Variants in PLEKHA6 observed in about 807,000 individuals in gnomAD.
PLEKHA6 encodes the protein pleckstrin homology domain-containing family A member 6.
In PLEKHA6, 60 loss-of-function variants were observed where a neutral mutation model predicts 116.7. That is an observed-to-expected ratio of 0.51 (90% CI 0.42 to 0.64). The LOEUF is 0.64. Ranked by LOEUF, PLEKHA6 falls within the 30% of genes least tolerant of loss-of-function variation. The pLI is 0.00. For missense variants in PLEKHA6, 1,338 were observed against 1,422.7 expected (o/e 0.94, Z 0.96); for synonymous variants, 489 against 556.1 (o/e 0.88, Z 1.70).
chr1:204,347,454 C>T (rs1411886411), intron 1 of PLEKHA6, among the ~76,000 whole-genome samples: 3 of 151,334 alleles, frequency 2.0e-5, no homozygotes, highest in African/African-American at 7.3e-5. Flanking sequence ...AACACACATG[C>T]TCTACAATTT....
At chr1:204,313,756 G>A (rs16853274) in intron 1 of PLEKHA6, 28,358 of 955,086 alleles carry the variant, frequency 0.03, 632 homozygotes, top group African/African-American at 0.1. Context: ...GTCATTAGCA[G>A]AGAGCACCAT....
At position 204,265,146 on chromosome 1, in the gene PLEKHA6, A is replaced by G. The variant is rs1666642409; in HGVS notation, c.281-104T>C. ...TGTTGTCCCTCCCTGATAAATATCA[A>G]TACATATTTGTTGTTCACCTCCTGT... On this transcript the variant is annotated intron_variant, in intron 5 of 22. Coordinates refer to ENST00000272203, the MANE Select transcript of PLEKHA6 (RefSeq NM_014935.5). 9 of 796,494 alleles carry G rather than the reference A, an allele frequency of 1.1e-5. No homozygotes were observed. The South Asian group carries it at 1.3e-4, about 12-fold the overall frequency. 49.3% of individuals were successfully genotyped at this position (796,494 alleles called of 1,614,324 possible).
intron 9 of PLEKHA6, among the ~76,000 whole-genome samples, chr1:204,255,834 G>C (rs892095513): frequency 6.6e-6 from 1 of 152,182 alleles, no homozygotes; most frequent in African/African-American, 2.4e-5. Context: ...CTCAGGAAGG[G>C]AGGGGTTGAG....
At chr1:204,252,193 G>A (rs1664663944) in intron 9 of PLEKHA6, among the ~76,000 whole-genome samples, 2 of 148,276 alleles carry the variant, frequency 1.3e-5, no homozygotes, top group Admixed American at 6.8e-5. Flanking sequence ...TGACGCTAGG[G>A]AGCAAACAAG....
chr1:204,253,807 C>A (rs1571898094), intron 9 of PLEKHA6, among the ~76,000 whole-genome samples: 1 of 144,726 alleles, frequency 6.9e-6, no homozygotes, highest in East Asian at 2.1e-4. Flanking sequence ...ATACTCTAGC[C>A]TAGGCAACAG....
chr1:204,313,678 C>CT (rs1438040074), intron 1 of PLEKHA6: 36 of 985,136 alleles, frequency 3.7e-5, no homozygotes, highest in Admixed American at 6.1e-5. Flanking sequence ...AGGTGGCTGT[C>CT]TTTGAGATTT....
At chr1:204,310,247 CT>C (rs1353111589) in intron 1 of PLEKHA6, among the ~76,000 whole-genome samples, 1 of 152,148 alleles carries the variant, frequency 6.6e-6, no homozygotes, top group Non-Finnish European at 1.5e-5. Flanking sequence ...TCACTGAATA[CT>C]TTTCTATATT....
chr1:204,332,476 G>A (rs1033082888), intron 1 of PLEKHA6, among the ~76,000 whole-genome samples: 10 of 152,086 alleles, frequency 6.6e-5, no homozygotes, highest in Non-Finnish European at 8.8e-5. Flanking sequence ...CCCAGGTCCC[G>A]GTTCAAGCAA....
intron 1 of PLEKHA6, among the ~76,000 whole-genome samples, chr1:204,373,934 A>G (rs1363687259): frequency 6.6e-6 from 1 of 152,116 alleles, no homozygotes; most frequent in Non-Finnish European, 1.5e-5. Flanking sequence ...GAGGAAGCCA[A>G]TAAAAAGGAA....
rs201152139 is a variant in PLEKHA6, at chr1:204,228,707, A to G, written c.2885+21T>C. On this transcript the variant is annotated intron_variant, in intron 20 of 22. Coordinates refer to ENST00000272203, the MANE Select transcript of PLEKHA6 (RefSeq NM_014935.5). The surrounding 1 kb of genome is among the most constrained non-coding windows in gnomAD (Gnocchi z 4.0). The stretch of plus-strand genomic sequence containing the variant: ...GTGCCAGGGTGAGCAGAGGAAGTAG[A>G]GGCTCACCCAGGCTGGTTACCTGGA... The G allele has an allele frequency of 7.3e-4, 1,180 of 1,611,396 alleles. 1 individual carries two copies. The highest frequency in any genetic ancestry group is 9.1e-4 in the Non-Finnish European group (1,075 of 1,177,638).
At chr1:204,331,853 G>A (rs1378962519) in intron 1 of PLEKHA6, among the ~76,000 whole-genome samples, 1 of 150,580 alleles carries the variant, frequency 6.6e-6, no homozygotes, top group Admixed American at 6.6e-5. Context: ...TGCCCCTAGA[G>A]TCACCCAGCC....
At chr1:204,338,993 A>T (rs1258081918) in intron 1 of PLEKHA6, among the ~76,000 whole-genome samples, 6 of 152,234 alleles carry the variant, frequency 3.9e-5, no homozygotes, top group African/African-American at 1.2e-4. Flanking sequence ...GACCAGCAGC[A>T]TGTAACGGAC....
chr1:204,301,280 G>T, intron 1 of PLEKHA6: 1 of 977,302 alleles, frequency 1.0e-6, no homozygotes, highest in Non-Finnish European at 1.2e-6. Context: ...CAAAGCACTT[G>T]CCTCATCACC....
chr1:204,228,757 C>A lies in PLEKHA6; in HGVS notation c.2856G>T (p.Glu952Asp). ...ATTTGGCAATGAGTGTCTTGATCCT[C>A]TCCACCTTCTTCTGCTTCTCCTTCA... ...EELKEKQKKV[E>D]RIKTLIAKSS... is the part of the protein sequence containing the mutation. Residue 952 changes from glutamate to aspartate, a missense_variant, in exon 20 of 23, where the codon GAG becomes GAT. Glu to Asp is a conservative substitution (Grantham distance 45, BLOSUM62 2). Transcript: ENST00000272203. The surrounding 1 kb of genome is among the most constrained non-coding windows in gnomAD (Gnocchi z 4.0). 6.2e-7 allele frequency: 1 copy of A among 1,614,060 alleles called. No homozygotes were observed. Among genetic ancestry groups the A allele is most frequent in the Non-Finnish European group, 8.5e-7 (1 of 1,179,960 alleles).
At chr1:204,362,894 C>T (rs1351514018), upstream of PLEKHA6, among the ~76,000 whole-genome samples, 2 of 152,214 alleles carry the variant, frequency 1.3e-5, no homozygotes, top group African/African-American at 4.8e-5. Flanking sequence ...CCCTGAGTAA[C>T]TCACTGACTG....
At chr1:204,296,872 G>A (rs543992459) in intron 1 of PLEKHA6, among the ~76,000 whole-genome samples, 33 of 152,220 alleles carry the variant, frequency 2.2e-4, no homozygotes, top group Non-Finnish European at 3.4e-4. Context: ...CTCTGTGTCT[G>A]CAGAGAGCGT....
chr1:204,305,787 A>T (rs1224264474), intron 1 of PLEKHA6, among the ~76,000 whole-genome samples: 1 of 127,186 alleles, frequency 7.9e-6, no homozygotes, highest in African/African-American at 2.8e-5. Context: ...TTCAAAAATA[A>T]CCAGACTGTA....
At chr1:204,246,952 A>G (rs1465677330) in intron 13 of PLEKHA6, among the ~76,000 whole-genome samples, 3 of 152,150 alleles carry the variant, frequency 2.0e-5, no homozygotes, top group South Asian at 4.1e-4. Context: ...CCCGGCCAAC[A>G]CAGGGAGACC....
chr1:204,307,955 TTA>T, intron 1 of PLEKHA6: 1 of 891,828 alleles, frequency 1.1e-6, no homozygotes, highest in Non-Finnish European at 1.3e-6. Context: ...TTCCTCCATA[TTA>T]GGGAATATTC....
Sources: gnomAD v4.1 joint callset for allele counts (sites outside exome capture counted in the v4.1 genomes callset) on GRCh38, gnomAD v4.1.1 for gene constraint, Gnocchi (gnomAD v3.1) non-coding constraint, MANE v1.5 for transcripts, NCBI Gene and HGNC (gene_info 2026-07-23, HGNC 2026-07-21) for gene names.